Variants in RICTOR observed in about 807,000 individuals in gnomAD.
RICTOR encodes the protein RPTOR independent companion of MTOR complex 2.
A neutral mutation model predicts 214.9 loss-of-function variants in RICTOR; 49 were observed. That is an observed-to-expected ratio of 0.23 (90% confidence interval 0.18 to 0.29). RICTOR has a LOEUF of 0.29. Among genes scored for constraint, RICTOR ranks in the 10% least tolerant of loss-of-function variants. The pLI is 1.00. For synonymous variants in RICTOR, 717 were observed against 711.3 expected (o/e 1.01, Z -0.13); for missense variants, 1,625 against 2,047.0 (o/e 0.79, Z 3.98).
chr5:38,978,521 T>G, intron 9 of RICTOR, 62 bp downstream of exon 9: 1 of 759,554 alleles, frequency 1.3e-6, no homozygotes, highest in South Asian at 2.1e-5. Flanking sequence ...CACGCAAACC[T>G]AAAAGCTTTA....
In RICTOR at chr5:38,977,592, CTTTTTTTT is replaced by C. The variant is rs34467191; in HGVS notation, c.821+983_821+990del. The stretch of plus-strand genomic sequence containing the variant: ...GGATGTGACTGAAGGTATGAAACCA[CTTTTTTTT>C]TTTTTTTTTTTTTTTGAGACAGAGT... On this transcript the variant is annotated intron_variant, in intron 9 of 37. Coordinates refer to ENST00000357387, the MANE Select transcript of RICTOR (RefSeq NM_152756.5). 6.0e-5 allele frequency among the ~76,000 whole-genome samples: 5 copies of C among 83,230 alleles called. No individual in the cohort carries two copies. The East Asian group carries it at 1.4e-3, about 23-fold the overall frequency. 54.6% of individuals were successfully genotyped at this position (83,230 alleles called of 152,430 possible).
chr5:39,045,697 T>C (rs1402779939), intron 2 of RICTOR, among the ~76,000 whole-genome samples: 6 of 152,194 alleles, frequency 3.9e-5, no homozygotes, highest in Non-Finnish European at 7.3e-5. Flanking sequence ...TATATTTTCA[T>C]GTACAGCTAC....
chr5:38,969,731 T>A (rs1057295144), intron 11 of RICTOR: 3 of 148,396 alleles, frequency 2.0e-5, no homozygotes, highest in Non-Finnish European at 4.4e-5. Flanking sequence ...TGCAGTGGCG[T>A]GATCTCGGCT....
At chr5:38,963,632 A>T (rs570242509) in intron 16 of RICTOR, among the ~76,000 whole-genome samples, 3 of 152,036 alleles carry the variant, frequency 2.0e-5, no homozygotes, top group South Asian at 4.1e-4. Context: ...ATTTTTAAAT[A>T]TTGGGATGTG....
At chr5:38,990,837 T>TATATGAG (rs1561503663) in intron 7 of RICTOR, 112 bp downstream of exon 7, 29 of 256,094 alleles carry the variant, frequency 1.1e-4, no homozygotes, top group East Asian at 1.8e-4. Flanking sequence ...ATATATGAGA[T>TATATGAG]ATATGAGATA....
chr5:38,966,773 C>A, intron 14 of RICTOR, 52 bp from the exon 15 acceptor site: 6 of 917,438 alleles, frequency 6.5e-6, no homozygotes, highest in East Asian at 2.5e-5. Context: ...CATATGAAAA[C>A]ATTTATGCAT....
chr5:38,990,137 T>C (rs1752475228), intron 7 of RICTOR, among the ~76,000 whole-genome samples: 1 of 152,104 alleles, frequency 6.6e-6, no homozygotes, highest in Non-Finnish European at 1.5e-5. Flanking sequence ...GTGGCACATA[T>C]ACACCATGGA....
At chr5:39,042,341 C>T (rs1240866314) in intron 2 of RICTOR, among the ~76,000 whole-genome samples, 1 of 152,144 alleles carries the variant, frequency 6.6e-6, no homozygotes, top group Non-Finnish European at 1.5e-5. Context: ...CACAGAGAAC[C>T]TATACTATTT....
chr5:38,981,689 G>T, intron 8 of RICTOR, 178 bp downstream of exon 8: 1 of 455,806 alleles, frequency 2.2e-6, no homozygotes, highest in Non-Finnish European at 3.8e-6. Flanking sequence ...TAAGAGTAAT[G>T]TTTTCAATTC....
chr5:38,951,482 C>T (rs1355565528), intron 30 of RICTOR, among the ~76,000 whole-genome samples: 1 of 152,010 alleles, frequency 6.6e-6, no homozygotes, highest in Non-Finnish European at 1.5e-5. Flanking sequence ...CACACAGAAT[C>T]TGATTCTAAA....
At chr5:39,067,120 G>A (rs1758962447) in intron 2 of RICTOR, among the ~76,000 whole-genome samples, 1 of 152,168 alleles carries the variant, frequency 6.6e-6, no homozygotes, top group Non-Finnish European at 1.5e-5. Context: ...CTATAAAGAA[G>A]CATCTGAGCC....
At chr5:39,004,477 T>TC (rs397715815) in intron 3 of RICTOR, among the ~76,000 whole-genome samples, 2 of 151,734 alleles carry the variant, frequency 1.3e-5, no homozygotes, top group Non-Finnish European at 2.9e-5. Context: ...TTTTTTTTTT[T>TC]GAGACGGAGT....
intron 2 of RICTOR, among the ~76,000 whole-genome samples, chr5:39,032,062 C>T (rs907817678): frequency 3.9e-5 from 6 of 152,082 alleles, no homozygotes; most frequent in Non-Finnish European, 7.4e-5. Context: ...GGCTGTATCC[C>T]AAGGATAGCA....
At position 38,971,919 on chromosome 5, in the gene RICTOR, C is replaced by G. The variant is rs928073026; in HGVS notation, c.930G>C (p.Gln310His). ...GTATGCAAAGTACTCCTATTAGAGA[C>G]TGGATCCCAGAATTTCCAGGTTTAC... ...NLCKPGNSGI[Q>H]SLIGVLCIPN... Residue 310 changes from glutamine (Q) to histidine (H), a missense_variant, in exon 11 of 38, where the codon CAG (glutamine) becomes CAC (histidine). By Grantham distance (24) the Gln-to-His change is conservative. Transcript: ENST00000357387. The G allele has an allele frequency of 1.4e-6, 2 of 1,480,254 alleles. No homozygotes were observed. Among genetic ancestry groups the G allele is most frequent in the Non-Finnish European group, 1.9e-6 (2 of 1,062,504 alleles). The allele number at this position is 1,480,254 out of a possible 1,614,324, so 91.7% of individuals were successfully genotyped here.
intron 2 of RICTOR, among the ~76,000 whole-genome samples, chr5:39,066,661 T>C (rs756082418): frequency 6.6e-6 from 1 of 152,348 alleles, no homozygotes; most frequent in East Asian, 1.9e-4. Context: ...TGCTCCTACA[T>C]CTTAGCATGG....
chr5:38,961,397 T>C (rs939193999), intron 19 of RICTOR, among the ~76,000 whole-genome samples: 1 of 152,178 alleles, frequency 6.6e-6, no homozygotes, highest in Non-Finnish European at 1.5e-5. Flanking sequence ...TTGTTGGTTT[T>C]TCACAATTAG....
In RICTOR at chr5:38,958,836, A is replaced by G. The variant is rs1368582144; in HGVS notation, c.2179-5T>C. ...TGTTGCATAGAGTCTGCAGGCCTAT[A>G]AGGATAAATGAATACATTAAAAAAA... On this transcript the variant is annotated splice_polypyrimidine_tract_variant and splice_region_variant and intron_variant, in intron 22 of 37. Coordinates refer to ENST00000357387, the MANE Select transcript of RICTOR (RefSeq NM_152756.5). 1 of 1,548,528 alleles carries G rather than the reference A, an allele frequency of 6.5e-7. No individual in the cohort carries two copies.
In RICTOR at chr5:38,939,238, G is replaced by C. The variant is rs1422647733; in HGVS notation, c.*3066C>G. The C allele has an allele frequency of 3.9e-5, 9 of 232,632 alleles. No individual in the cohort carries two copies. The highest frequency in any genetic ancestry group is 2.0e-4 in the African/African-American group (9 of 45,278). 14.4% of individuals were successfully genotyped at this position (232,632 alleles called of 1,614,324 possible). ...TTGATATCCCACTGCTGAACACTTG[G>C]CCGTTGTGATATGCCCTGAAAAACT... is the stretch of plus-strand genomic sequence containing the variant. On this transcript the variant is annotated 3_prime_UTR_variant, in exon 38 of 38. Transcript: ENST00000357387.
intron 3 of RICTOR, among the ~76,000 whole-genome samples, chr5:39,011,609 G>A (rs537937726): frequency 6.6e-6 from 1 of 152,314 alleles, no homozygotes; most frequent in Admixed American, 6.5e-5. Flanking sequence ...AGCCATAGAG[G>A]TGGAGCTGCC....
Sources: gnomAD v4.1 joint callset for allele counts (sites outside exome capture counted in the v4.1 genomes callset) on GRCh38, gnomAD v4.1.1 for gene constraint, MANE v1.5 for transcripts, NCBI Gene and HGNC (gene_info 2026-07-23, HGNC 2026-07-21) for gene names.